ZNF618: variants seen among roughly 807,000 people sequenced by gnomAD.
The protein encoded by ZNF618 is neural precursor cell expressed, developmentally down-regulated 10.
A neutral mutation model predicts 103.0 loss-of-function variants in ZNF618; 34 were observed. That is an observed-to-expected ratio of 0.33 (90% confidence interval 0.25 to 0.44). The LOEUF is 0.44. Ranked by LOEUF, ZNF618 falls within the 20% of genes least tolerant of loss-of-function variation. ZNF618 has a pLI of 1.00. For missense variants in ZNF618, 1,059 were observed against 1,295.4 expected (o/e 0.82, Z 2.80); for synonymous variants, 551 against 542.2 (o/e 1.02, Z -0.23).
chr9:113,932,729 G>T (rs1276877411), intron 1 of ZNF618, among the ~76,000 whole-genome samples: 1 of 152,290 alleles, frequency 6.6e-6, no homozygotes, highest in Middle Eastern at 3.4e-3. Context: ...ACCATTGCTA[G>T]ATGGGGTGAG....
At chr9:114,048,530 T>C in intron 14 of ZNF618, 121 bp from the exon 15 acceptor site, 1 of 1,036,092 alleles carries the variant, frequency 9.7e-7, no homozygotes, top group Non-Finnish European at 1.4e-6. Flanking sequence ...CACCCATGTG[T>C]GTGCAAGAGG....
At chr9:113,891,704 C>G (rs911454053) in intron 1 of ZNF618, among the ~76,000 whole-genome samples, 3 of 152,304 alleles carry the variant, frequency 2.0e-5, no homozygotes, top group South Asian at 2.1e-4. Flanking sequence ...GTGGAAGCAA[C>G]TGAAATGTCC....
At chr9:113,973,317 G>A (rs1838172483) in intron 2 of ZNF618, among the ~76,000 whole-genome samples, 1 of 152,160 alleles carries the variant, frequency 6.6e-6, no homozygotes, top group Non-Finnish European at 1.5e-5. Context: ...TCTACCCCCA[G>A]CTATGCTATG....
intron 1 of ZNF618, among the ~76,000 whole-genome samples, chr9:113,953,543 T>G (rs1010065245): frequency 4.6e-5 from 7 of 152,208 alleles, no homozygotes; most frequent in Admixed American, 1.3e-4. Flanking sequence ...AAGTTATATA[T>G]AGAGAGTTTG....
At chr9:113,888,048 T>C (rs1829241619) in intron 1 of ZNF618, among the ~76,000 whole-genome samples, 1 of 152,166 alleles carries the variant, frequency 6.6e-6, no homozygotes, top group African/African-American at 2.4e-5. Context: ...TTTGTTTTTT[T>C]TTTAAATATG....
intron 1 of ZNF618, among the ~76,000 whole-genome samples, chr9:113,918,883 A>G (rs1832371516): frequency 6.6e-6 from 1 of 152,196 alleles, no homozygotes; most frequent in Non-Finnish European, 1.5e-5. Flanking sequence ...CTTAGTGCCC[A>G]TGGTGTCTGG....
chr9:113,920,379 AT>A (rs1832528730), intron 1 of ZNF618, among the ~76,000 whole-genome samples: 1 of 148,272 alleles, frequency 6.7e-6, no homozygotes, highest in African/African-American at 2.5e-5. Context: ...GTAGATCTTG[AT>A]TTTTTACTTA....
intron 13 of ZNF618, among the ~76,000 whole-genome samples, chr9:114,039,608 C>G (rs772869349): frequency 6.6e-6 from 1 of 152,098 alleles, no homozygotes; most frequent in African/African-American, 2.4e-5. Flanking sequence ...ACCTCAGCCC[C>G]GCAAAGTGCT....
chr9:114,035,872 C>T (rs1240535956), intron 12 of ZNF618, among the ~76,000 whole-genome samples: 5 of 152,138 alleles, frequency 3.3e-5, no homozygotes, highest in Admixed American at 2.6e-4. Flanking sequence ...TTCATTCATA[C>T]ATTCATTCAT....
chr9:114,005,639 C>T (rs1841678821), intron 6 of ZNF618, among the ~76,000 whole-genome samples: 1 of 152,126 alleles, frequency 6.6e-6, no homozygotes, highest in South Asian at 2.1e-4. Flanking sequence ...GAACCAGACC[C>T]CAGGTGGCCT....
intron 11 of ZNF618, among the ~76,000 whole-genome samples, chr9:114,029,634 TA>T (rs112269873): frequency 1.3e-5 from 2 of 149,484 alleles, no homozygotes; most frequent in African/African-American, 2.5e-5. Context: ...AAACTTAATT[TA>T]AAAAAAAAAG....
At chr9:114,009,177 C>T (rs2133823525) in intron 9 of ZNF618, among the ~76,000 whole-genome samples, 1 of 152,218 alleles carries the variant, frequency 6.6e-6, no homozygotes, top group East Asian at 1.9e-4. Flanking sequence ...TCAGATGGGG[C>T]TTGGGGGTGG....
chr9:113,948,322 G>A (rs896068796), intron 1 of ZNF618, among the ~76,000 whole-genome samples: 8 of 152,192 alleles, frequency 5.3e-5, no homozygotes, highest in African/African-American at 1.7e-4. Flanking sequence ...CTAGGCACTC[G>A]CTAGTCAGAA....
At chr9:113,953,732 G>A (rs139711071) in intron 1 of ZNF618, among the ~76,000 whole-genome samples, 3 of 152,100 alleles carry the variant, frequency 2.0e-5, no homozygotes, top group Non-Finnish European at 4.4e-5. Context: ...TCAGGCTTCC[G>A]GGAACCTGAG....
chr9:113,903,314 G>A (rs113123088), intron 1 of ZNF618, among the ~76,000 whole-genome samples: 5 of 152,340 alleles, frequency 3.3e-5, no homozygotes, highest in South Asian at 2.1e-4. Flanking sequence ...CATTTCCAGT[G>A]TGTAAGTCCT....
intron 1 of ZNF618, among the ~76,000 whole-genome samples, chr9:113,922,618 T>C (rs1009665852): frequency 2.0e-5 from 3 of 152,180 alleles, no homozygotes; most frequent in African/African-American, 7.2e-5. Flanking sequence ...TTTTGGGCTT[T>C]CTATTCTGCT....
At chr9:114,034,418 G>T (rs564221614) in intron 12 of ZNF618, among the ~76,000 whole-genome samples, 1 of 152,194 alleles carries the variant, frequency 6.6e-6, no homozygotes, top group African/African-American at 2.4e-5. Context: ...AATCGGGAAC[G>T]ATAGCGCAAG....
chr9:114,040,281 G>A (rs1299295063), intron 13 of ZNF618, among the ~76,000 whole-genome samples: 1 of 151,830 alleles, frequency 6.6e-6, no homozygotes, highest in Admixed American at 6.6e-5. Flanking sequence ...CATATCCAGG[G>A]TTTTCACATC....
chr9:113,993,052 C>T (rs7032729), intron 3 of ZNF618, among the ~76,000 whole-genome samples: 98,568 of 152,076 alleles, frequency 0.65, 32,394 homozygotes, highest in Middle Eastern at 0.76. Context: ...AATAACTTTG[C>T]TGGATAAAAG....
Sources: allele counts gnomAD v4.1 joint callset (sites outside exome capture counted in the v4.1 genomes callset), GRCh38; gene constraint gnomAD v4.1.1; transcripts MANE v1.5; gene names NCBI Gene and HGNC (gene_info 2026-07-23, HGNC 2026-07-21).